GCH1: variants seen among roughly 807,000 people sequenced by gnomAD.
GCH1 encodes the protein GTP cyclohydrolase I.
In GCH1, 5 loss-of-function variants were observed where a neutral mutation model predicts 25.9. The observed-to-expected ratio is 0.19, with a 90% CI of 0.10 to 0.41. The LOEUF (loss-of-function observed/expected upper bound fraction) is 0.41. Among genes scored for constraint, GCH1 ranks in the 10% least tolerant of loss-of-function variants. The pLI is 1.00. For missense variants in GCH1, 261 were observed against 336.5 expected (o/e 0.78, Z 1.75); for synonymous variants, 159 against 129.6 (o/e 1.23, Z -1.54).
At chr14:54,856,665 C>A (rs963198244) in intron 3 of GCH1, among the ~76,000 whole-genome samples, 6 of 152,138 alleles carry the variant, frequency 3.9e-5, no homozygotes, top group African/African-American at 1.4e-4. Context: ...GTTGGCCAGG[C>A]TGGTCTGGAA....
At position 54,845,763 on chromosome 14, in the gene GCH1, C is replaced by T. The variant is rs1594970015; in HGVS notation, c.626+5G>A. 6.6e-7 allele frequency: 1 copy of T among 1,519,498 alleles called. No homozygotes were observed. The allele number at this position is 1,519,498 out of a possible 1,614,324, so 94.1% of individuals were successfully genotyped here. A position where few individuals can be genotyped will look rare whatever the true frequency, so the allele number is the denominator to read the frequency against. On this transcript the variant is annotated splice_donor_5th_base_variant and intron_variant, in intron 5 of 5. Transcript: ENST00000491895. ...TGACGTTACTAAAGGCAGATGCAGACTTACGTTGCTTCAACCACTACCCCG... is the reference window on the plus strand; with the variant it reads ...TGACGTTACTAAAGGCAGATGCAGATTTACGTTGCTTCAACCACTACCCCG...
intron 3 of GCH1, among the ~76,000 whole-genome samples, chr14:54,849,178 T>C (rs2039688671): frequency 2.0e-5 from 3 of 152,242 alleles, no homozygotes. Flanking sequence ...CATAGATTTT[T>C]ACTGAGTGCC....
Position 54,843,546 on chromosome 14 carries a change from T to C in GCH1, c.*471A>G. The C allele has an allele frequency of 1.5e-6, 2 of 1,355,850 alleles. No individual in the cohort carries two copies. Among genetic ancestry groups the C allele is most frequent in the Non-Finnish European group, 9.5e-7 (1 of 1,054,930 alleles). 84.0% of individuals were successfully genotyped at this position (1,355,850 alleles called of 1,614,324 possible). ...TTTAATAAACATGACCAAAGTGAAG[T>C]CTGTTGAACTTGAATTCACAGAGCA... On this transcript the variant is annotated 3_prime_UTR_variant, in exon 6 of 6. Transcript: ENST00000491895.
At chr14:54,848,146 T>G (rs2039671855) in intron 3 of GCH1, among the ~76,000 whole-genome samples, 1 of 151,608 alleles carries the variant, frequency 6.6e-6, no homozygotes, top group African/African-American at 2.4e-5. Flanking sequence ...CTTTTTTTTT[T>G]TTTTTTTGAG....
chr14:54,892,239 T>G (rs1028015358), intron 1 of GCH1, among the ~76,000 whole-genome samples: 1 of 152,222 alleles, frequency 6.6e-6, no homozygotes, highest in Non-Finnish European at 1.5e-5. Context: ...TTCTGAATGA[T>G]GGCAATCCAG....
chr14:54,896,754 A>C (rs2040489566), intron 1 of GCH1, among the ~76,000 whole-genome samples: 1 of 151,220 alleles, frequency 6.6e-6, no homozygotes, highest in Admixed American at 6.6e-5. Context: ...CTACTAAAAA[A>C]ATACAAAAAA....
At chr14:54,866,874 C>T (rs1452446592) in intron 1 of GCH1, among the ~76,000 whole-genome samples, 1 of 152,168 alleles carries the variant, frequency 6.6e-6, no homozygotes, top group Non-Finnish European at 1.5e-5. Context: ...AACAGAGACA[C>T]CCCTGGTAGA....
intron 1 of GCH1, among the ~76,000 whole-genome samples, chr14:54,883,397 A>T (rs1373273446): frequency 5.0e-5 from 6 of 119,812 alleles, no homozygotes; most frequent in African/African-American, 1.7e-4. Context: ...AAAAAAAAAA[A>T]AGCCCGGTGC....
chr14:54,890,043 C>A (rs1462325406), intron 1 of GCH1, among the ~76,000 whole-genome samples: 4 of 152,118 alleles, frequency 2.6e-5, no homozygotes, highest in African/African-American at 9.7e-5. Flanking sequence ...ATGAATGGAT[C>A]AGAGCAGGAC....
At chr14:54,854,186 T>C (rs2039775404) in intron 3 of GCH1, among the ~76,000 whole-genome samples, 1 of 152,260 alleles carries the variant, frequency 6.6e-6, no homozygotes, top group Non-Finnish European at 1.5e-5. Flanking sequence ...GTTTGGACTT[T>C]AACTGAAAAG....
Position 54,902,608 on chromosome 14 carries a change from C to G in GCH1, c.56G>C (p.Ser19Thr). The G allele has an allele frequency of 6.7e-7, 1 of 1,493,236 alleles. No homozygotes were observed. Among genetic ancestry groups the G allele is most frequent in the South Asian group, 1.3e-5 (1 of 77,860 alleles). The allele number at this position is 1,493,236 out of a possible 1,614,324, so 92.5% of individuals were successfully genotyped here. A position where few individuals can be genotyped will look rare whatever the true frequency, so the allele number is the denominator to read the frequency against. The change falls in exon 1 of 6, where the codon AGC becomes ACC. Residue 19 changes from serine to threonine, a missense_variant. Ser to Thr is a moderately conservative substitution (Grantham distance 58, BLOSUM62 1). Coordinates refer to ENST00000491895, the MANE Select transcript of GCH1 (RefSeq NM_000161.3). ...PAEKPRGARC[S>T]NGFPERDPPR... ...CGGATCCCGCTCGGGGAACCCATTG[C>G]TGCACCTGGCGCCCCGCGGCTTCTC...
intron 3 of GCH1, among the ~76,000 whole-genome samples, chr14:54,850,735 T>A (rs956548047): frequency 2.6e-5 from 4 of 152,190 alleles, no homozygotes; most frequent in Non-Finnish European, 5.9e-5. Flanking sequence ...AGGGTTTGGT[T>A]TTCTGTCCTT....
At position 54,872,343 on chromosome 14, in the gene GCH1, A is replaced by G. The variant is rs2040092802; in HGVS notation, c.344-6907T>C. ...CGCCTGCCCTACAAGAGCTCCTGAA[A>G]GAAGCACTAAACATGGAAAGGAACA... On this transcript the variant is annotated intron_variant, in intron 1 of 5. Transcript: ENST00000491895. Among the ~76,000 whole-genome samples, 7 of 152,266 alleles carry G rather than the reference A, an allele frequency of 4.6e-5. No homozygotes were observed. In the South Asian group the frequency reaches 1.2e-3, roughly 27 times the overall value.
chr14:54,853,199 G>C (rs1166125744), intron 3 of GCH1, among the ~76,000 whole-genome samples: 1 of 152,134 alleles, frequency 6.6e-6, no homozygotes, highest in African/African-American at 2.4e-5. Flanking sequence ...GCTGACCTCA[G>C]GTGACCCACC....
intron 4 of GCH1, among the ~76,000 whole-genome samples, chr14:54,846,204 A>G (rs918894912): frequency 2.0e-5 from 3 of 152,258 alleles, no homozygotes. Flanking sequence ...GCAAATAAAT[A>G]GCCTGCAACA....
chr14:54,867,846 T>C (rs527990016), intron 1 of GCH1, among the ~76,000 whole-genome samples: 1 of 152,134 alleles, frequency 6.6e-6, no homozygotes, highest in African/African-American at 2.4e-5. Flanking sequence ...CCCATGCATA[T>C]TGAGGTACAT....
chr14:54,874,065 C>A (rs1038236721), intron 1 of GCH1, among the ~76,000 whole-genome samples: 1 of 152,174 alleles, frequency 6.6e-6, no homozygotes, highest in African/African-American at 2.4e-5. Flanking sequence ...AGACCAATAT[C>A]CCTGATGAAC....
chr14:54,850,709 A>G (rs2039716415), intron 3 of GCH1, among the ~76,000 whole-genome samples: 1 of 152,080 alleles, frequency 6.6e-6, no homozygotes, highest in Non-Finnish European at 1.5e-5. Context: ...ATTGTCACCT[A>G]TGAGTGAGAA....
chr14:54,864,385 T>C (rs1191696496), intron 2 of GCH1, among the ~76,000 whole-genome samples: 3 of 152,138 alleles, frequency 2.0e-5, no homozygotes, highest in Non-Finnish European at 4.4e-5. Flanking sequence ...GAGTCAAAAT[T>C]AAATAAAATT....
Sources: allele counts gnomAD v4.1 joint callset (sites outside exome capture counted in the v4.1 genomes callset), GRCh38; gene constraint gnomAD v4.1.1; transcripts MANE v1.5; gene names NCBI Gene and HGNC (gene_info 2026-07-23, HGNC 2026-07-21).